Variants in GDA observed in about 807,000 individuals in gnomAD.
GDA encodes the protein cytoplasmic PSD-95 interactor.
A neutral mutation model predicts 59.6 loss-of-function variants in GDA; 18 were observed. That is an observed-to-expected ratio of 0.30 (90% CI 0.21 to 0.45). The LOEUF (loss-of-function observed/expected upper bound fraction) is 0.45. Among genes scored for constraint, GDA ranks in the 20% least tolerant of loss-of-function variants. GDA has a pLI of 1.00. For missense variants in GDA, 427 were observed against 552.3 expected, an observed-to-expected ratio of 0.77 and a Z score of 2.27; for synonymous variants, 201 against 201.1, an observed-to-expected ratio of 1.00 and a Z score of 0.00.
At chr9:72,173,351 T>TA (rs1417399654) in intron 1 of GDA, among the ~76,000 whole-genome samples, 5 of 151,530 alleles carry the variant, frequency 3.3e-5, no homozygotes, top group Non-Finnish European at 7.4e-5. Context: ...TTTTTTTTTT[T>TA]AGATGGAGTC....
intron 1 of GDA, among the ~76,000 whole-genome samples, chr9:72,166,921 G>A (rs1231032824): frequency 6.6e-6 from 1 of 152,070 alleles, no homozygotes; most frequent in Non-Finnish European, 1.5e-5. Context: ...ATTGTGCATT[G>A]TTCTCGATTT....
chr9:72,219,394 CTCTG>C (rs1422231789), intron 5 of GDA, 81 bp from the exon 6 acceptor site: 22 of 994,644 alleles, frequency 2.2e-5, no homozygotes, highest in African/African-American at 2.1e-4. Context: ...CAGAGCCAGA[CTCTG>C]TCTGAAGAAA....
At chr9:72,215,959 G>C (rs1186511476) in intron 5 of GDA, among the ~76,000 whole-genome samples, 1 of 152,200 alleles carries the variant, frequency 6.6e-6, no homozygotes, top group Non-Finnish European at 1.5e-5. Context: ...TCCCAGGGGA[G>C]GACTCTAAAC....
At chr9:72,165,989 C>T (rs1829265413) in intron 1 of GDA, among the ~76,000 whole-genome samples, 1 of 151,938 alleles carries the variant, frequency 6.6e-6, no homozygotes, top group Non-Finnish European at 1.5e-5. Flanking sequence ...AAAATCTTAC[C>T]CCTCCTTCTG....
At chr9:72,184,650 T>C (rs911422915) in intron 1 of GDA, among the ~76,000 whole-genome samples, 1 of 152,176 alleles carries the variant, frequency 6.6e-6, no homozygotes, top group African/African-American at 2.4e-5. Context: ...CCTTCATCTA[T>C]CAAGGAGTGT....
At chr9:72,191,093 A>C (rs985726149) in intron 1 of GDA, among the ~76,000 whole-genome samples, 1 of 152,246 alleles carries the variant, frequency 6.6e-6, no homozygotes, top group African/African-American at 2.4e-5. Context: ...CATATTAATC[A>C]ATCAAAAATA....
At chr9:72,212,955 A>G (rs1835573214) in intron 4 of GDA, among the ~76,000 whole-genome samples, 1 of 152,148 alleles carries the variant, frequency 6.6e-6, no homozygotes, top group East Asian at 1.9e-4. Flanking sequence ...TGGATAAGCA[A>G]AGGGAAAAAC....
chr9:72,203,178 A>C (rs1401803660), intron 3 of GDA, among the ~76,000 whole-genome samples: 1 of 152,246 alleles, frequency 6.6e-6, no homozygotes, highest in Non-Finnish European at 1.5e-5. Context: ...CAGGATTCTC[A>C]TGATAATTAA....
At chr9:72,119,370 T>C (rs1046254014) in intron 1 of GDA, among the ~76,000 whole-genome samples, 1 of 152,118 alleles carries the variant, frequency 6.6e-6, no homozygotes, top group Non-Finnish European at 1.5e-5. Flanking sequence ...CTGGATGTGG[T>C]GGCTCACGCC....
intron 1 of GDA, among the ~76,000 whole-genome samples, chr9:72,163,366 C>G (rs138994447): frequency 4.6e-5 from 7 of 151,944 alleles, no homozygotes; most frequent in Middle Eastern, 3.4e-3. Flanking sequence ...GTCCCATGAA[C>G]AAAGAGAAAG....
At chr9:72,166,990 T>A (rs1829395163) in intron 1 of GDA, among the ~76,000 whole-genome samples, 1 of 152,190 alleles carries the variant, frequency 6.6e-6, no homozygotes, top group Admixed American at 6.5e-5. Context: ...CAGGCAAAGA[T>A]GATTTTGAAA....
intron 1 of GDA, among the ~76,000 whole-genome samples, chr9:72,173,333 T>A (rs1830190447): frequency 6.6e-6 from 1 of 151,352 alleles, no homozygotes; most frequent in Non-Finnish European, 1.5e-5. Flanking sequence ...TGACTTCCCC[T>A]TCTTTTTTTT....
intron 1 of GDA, among the ~76,000 whole-genome samples, chr9:72,189,530 G>A (rs1832280088): frequency 6.6e-6 from 1 of 152,062 alleles, no homozygotes; most frequent in Non-Finnish European, 1.5e-5. Flanking sequence ...AGACTTTTGG[G>A]ACTACTGGAA....
At chr9:72,137,248 T>C (rs944424343) in intron 1 of GDA, among the ~76,000 whole-genome samples, 135 of 128,528 alleles carry the variant, frequency 1.1e-3, no homozygotes, top group Middle Eastern at 3.8e-3. Context: ...TTTTCTTTTT[T>C]TTTTTTTTTT....
chr9:72,132,950 T>C (rs1826075475), intron 1 of GDA, among the ~76,000 whole-genome samples: 2 of 152,284 alleles, frequency 1.3e-5, no homozygotes, highest in Non-Finnish European at 1.5e-5. Flanking sequence ...ATCCCCTGTG[T>C]AATAATCAAT....
intron 1 of GDA, among the ~76,000 whole-genome samples, chr9:72,170,734 C>G (rs1829861976): frequency 6.6e-6 from 1 of 152,130 alleles, no homozygotes; most frequent in African/African-American, 2.4e-5. Flanking sequence ...TGTGTACCGG[C>G]CCATGATAGG....
At chr9:72,121,162 C>G (rs1825646544) in intron 1 of GDA, among the ~76,000 whole-genome samples, 1 of 152,186 alleles carries the variant, frequency 6.6e-6, no homozygotes, top group African/African-American at 2.4e-5. Flanking sequence ...TATTATTTTT[C>G]TCAACCTCTT....
intron 8 of GDA, among the ~76,000 whole-genome samples, chr9:72,227,134 T>C (rs979102531): frequency 1.3e-5 from 2 of 152,100 alleles, no homozygotes; most frequent in Non-Finnish European, 2.9e-5. Context: ...ATAATAATTC[T>C]GTAGTCACTG....
intron 10 of GDA, among the ~76,000 whole-genome samples, chr9:72,234,586 A>G (rs1225594321): frequency 6.6e-6 from 1 of 152,178 alleles, no homozygotes; most frequent in African/African-American, 2.4e-5. Flanking sequence ...GAGCCAACAC[A>G]TGGGGTTTTT....
Sources: gnomAD v4.1 joint callset for allele counts (sites outside exome capture counted in the v4.1 genomes callset) on GRCh38, gnomAD v4.1.1 for gene constraint, MANE v1.5 for transcripts, NCBI Gene and HGNC (gene_info 2026-07-23, HGNC 2026-07-21) for gene names.